WDR17: variants seen among roughly 807,000 people sequenced by gnomAD.
The protein encoded by WDR17 is WD repeat-containing protein 17.
A neutral mutation model predicts 161.7 loss-of-function variants in WDR17; 143 were observed. That is an observed-to-expected ratio of 0.88 (90% CI 0.77 to 1.02). The LOEUF is 1.02. WDR17 is among the 50% of genes least tolerant of loss of function. The pLI, the probability that WDR17 is intolerant of heterozygous loss-of-function variation, is 0.00. For synonymous variants in WDR17, 517 were observed against 515.6 expected, an observed-to-expected ratio of 1.00 and a Z score of -0.04; for missense variants, 1,469 against 1,520.9, an observed-to-expected ratio of 0.97 and a Z score of 0.57.
At chr4:176,160,871 A>G in intron 19 of WDR17, 40 bp from the exon 20 acceptor site, 1 of 1,486,882 alleles carries the variant, frequency 6.7e-7, no homozygotes, top group Non-Finnish European at 9.1e-7. Context: ...AATTATCAAC[A>G]ATTAGCTAAA....
chr4:176,066,506 A>G (rs1732547161), intron 1 of WDR17, among the ~76,000 whole-genome samples: 1 of 152,170 alleles, frequency 6.6e-6, no homozygotes, highest in East Asian at 1.9e-4. Flanking sequence ...AGGTTTGAGT[A>G]AAAAGGAAAT....
rs1022959324 is a variant in WDR17 at position 176,135,202 on chromosome 4, A to T, written c.1193A>T (p.Asp398Val). The change falls in exon 8 of 29, where the codon GAT becomes GTT. Residue 398 changes from aspartate to valine, a missense_variant. Transcript: ENST00000508596. ...TTTGATGGCACTATAAAAGTCTGGG[A>T]TATAAACACATTAACAGCAGTGTAC... is the stretch of plus-strand genomic sequence containing the variant. ...ASFDGTIKVW[D>V]INTLTAVYTS... 8 of 1,612,324 alleles carry T rather than the reference A, an allele frequency of 5.0e-6. No individual in the cohort carries two copies. In the Admixed American group the frequency reaches 1.2e-4, roughly 24 times the overall value.
chr4:176,151,116 C>G (rs1747037294), intron 16 of WDR17, among the ~76,000 whole-genome samples: 1 of 152,106 alleles, frequency 6.6e-6, no homozygotes, highest in African/African-American at 2.4e-5. Flanking sequence ...ACAGTTGTGC[C>G]AGAGATGTGG....
intron 15 of WDR17, 48 bp from the exon 16 acceptor site, chr4:176,150,420 G>A (rs892941683): frequency 6.4e-7 from 1 of 1,562,048 alleles, no homozygotes; most frequent in South Asian, 1.2e-5. Flanking sequence ...AAAATATTAT[G>A]AGGTTTTTAA....
chr4:176,110,972 G>A (rs1411994580), intron 1 of WDR17, among the ~76,000 whole-genome samples: 1 of 152,046 alleles, frequency 6.6e-6, no homozygotes, highest in Non-Finnish European at 1.5e-5. Context: ...CTTTCTGCCC[G>A]ATCCTAACAG....
chr4:176,178,675 CT>C (rs201111289), intron 28 of WDR17, among the ~76,000 whole-genome samples: 1,799 of 152,288 alleles, frequency 0.012, 15 homozygotes, highest in Non-Finnish European at 0.02. Context: ...CTAGTGCCTA[CT>C]AATAGGAGCT....
chr4:176,118,541 A>G (rs2126715710), intron 3 of WDR17, among the ~76,000 whole-genome samples: 1 of 152,298 alleles, frequency 6.6e-6, no homozygotes, highest in South Asian at 2.1e-4. Flanking sequence ...CTTGGAGCAC[A>G]TAGACTGTTA....
chr4:176,135,360 T>C (rs758512018), intron 8 of WDR17, 84 bp downstream of exon 8: 1 of 1,430,630 alleles, frequency 7.0e-7, no homozygotes, highest in Non-Finnish European at 9.8e-7. Flanking sequence ...TTCTTCCTCT[T>C]GATCTCATCT....
intron 24 of WDR17, among the ~76,000 whole-genome samples, chr4:176,172,967 C>T (rs563071669): frequency 7.2e-4 from 109 of 152,282 alleles, no homozygotes; most frequent in African/African-American, 2.4e-3. Context: ...TTGGGGATTA[C>T]ATTTCAACAT....
chr4:176,151,242 TTAAAG>T (rs1482843850), intron 16 of WDR17, among the ~76,000 whole-genome samples: 1 of 152,196 alleles, frequency 6.6e-6, no homozygotes, highest in Non-Finnish European at 1.5e-5. Flanking sequence ...GAAGAGCTAA[TTAAAG>T]TAAGCCAGTA....
intron 4 of WDR17, among the ~76,000 whole-genome samples, 191 bp downstream of exon 4, chr4:176,120,288 T>TATATATATA (rs1174111501): frequency 2.9e-4 from 39 of 136,528 alleles, no homozygotes; most frequent in African/African-American, 1.1e-3. Context: ...ATTTGAAGTT[T>TATATATATA]TATATATATA....
At chr4:176,117,222 A>G (rs1740788606) in intron 3 of WDR17, among the ~76,000 whole-genome samples, 1 of 152,022 alleles carries the variant, frequency 6.6e-6, no homozygotes, top group Non-Finnish European at 1.5e-5. Flanking sequence ...GGCCTCAATT[A>G]AGACTTTTCA....
At chr4:176,096,311 G>A (rs557388099) in intron 1 of WDR17, among the ~76,000 whole-genome samples, 3 of 151,850 alleles carry the variant, frequency 2.0e-5, no homozygotes, top group African/African-American at 4.8e-5. Flanking sequence ...CATTATTGTC[G>A]ATTTCTTTCT....
chr4:176,085,937 G>A (rs1192423358), intron 1 of WDR17, among the ~76,000 whole-genome samples: 1 of 151,768 alleles, frequency 6.6e-6, no homozygotes, highest in Non-Finnish European at 1.5e-5. Flanking sequence ...TATAATTGAT[G>A]CTATAATCCT....
Position 176,160,780 on chromosome 4 carries a change from TAAG to T in WDR17, c.2659-129_2659-127del, listed in dbSNP as rs1332556045. ...TAACATCTCATTTCTCCTCAAATTC[TAAG>T]ATTATCTCCAAATTATAGTATAAAT... On this transcript the variant is annotated intron_variant, in intron 19 of 28. Coordinates refer to ENST00000508596, the MANE Select transcript of WDR17 (RefSeq NM_181265.4). 3 of 769,796 alleles carry T rather than the reference TAAG, an allele frequency of 3.9e-6. No individual in the cohort carries two copies. In the Admixed American group the frequency reaches 1.0e-4, roughly 26 times the overall value. 47.7% of individuals were successfully genotyped at this position (769,796 alleles called of 1,614,324 possible).
intron 1 of WDR17, among the ~76,000 whole-genome samples, chr4:176,101,991 G>T (rs1242671144): frequency 2.0e-5 from 3 of 152,018 alleles, no homozygotes; most frequent in African/African-American, 7.2e-5. Flanking sequence ...AGATACAAAA[G>T]GTATGTTTTA....
chr4:176,072,861 A>G (rs559147634), intron 1 of WDR17, among the ~76,000 whole-genome samples: 5 of 152,346 alleles, frequency 3.3e-5, no homozygotes, highest in African/African-American at 7.2e-5. Flanking sequence ...TCACAAAACT[A>G]TCTTGAATCT....
At chr4:176,086,930 C>T (rs978595327) in intron 1 of WDR17, among the ~76,000 whole-genome samples, 20 of 151,684 alleles carry the variant, frequency 1.3e-4, no homozygotes, top group East Asian at 5.8e-4. Context: ...CTGGAGATTC[C>T]GGCATGTAAA....
chr4:176,072,050 A>G (rs1297172692), intron 1 of WDR17, among the ~76,000 whole-genome samples: 1 of 152,186 alleles, frequency 6.6e-6, no homozygotes, highest in Non-Finnish European at 1.5e-5. Context: ...TCTACTTGCT[A>G]CCTAATCCAG....
Sources: gnomAD v4.1 joint callset for allele counts (sites outside exome capture counted in the v4.1 genomes callset) on GRCh38, gnomAD v4.1.1 for gene constraint, MANE v1.5 for transcripts, NCBI Gene and HGNC (gene_info 2026-07-23, HGNC 2026-07-21) for gene names.